CERS6: variants seen among roughly 807,000 people sequenced by gnomAD.
The protein encoded by CERS6 is ceramide synthase 6.
A neutral mutation model predicts 56.8 loss-of-function variants in CERS6; 26 were observed. The ratio of observed to expected loss-of-function variants is 0.46; its 90% CI spans 0.34 to 0.63. The LOEUF is 0.63. CERS6 is among the 30% of genes least tolerant of loss of function. The pLI, the probability that CERS6 is intolerant of heterozygous loss-of-function variation, is 0.01. For missense variants in CERS6, 415 were observed against 467.5 expected (o/e 0.89, Z 1.04); for synonymous variants, 164 against 173.3 (o/e 0.95, Z 0.42).
chr2:168,538,439 G>A (rs1313038197), intron 1 of CERS6, among the ~76,000 whole-genome samples: 1 of 152,140 alleles, frequency 6.6e-6, no homozygotes, highest in Non-Finnish European at 1.5e-5. Context: ...CTTCCAGAAT[G>A]TCCTTCCCCC....
At chr2:168,549,630 T>A (rs1476451551) in intron 2 of CERS6, among the ~76,000 whole-genome samples, 2 of 152,178 alleles carry the variant, frequency 1.3e-5, no homozygotes, top group African/African-American at 2.4e-5. Flanking sequence ...CAAGACTCTG[T>A]CTCAAAACAA....
chr2:168,721,808 C>T (rs941650975), intron 8 of CERS6, among the ~76,000 whole-genome samples: 1 of 151,812 alleles, frequency 6.6e-6, no homozygotes, highest in Non-Finnish European at 1.5e-5. Flanking sequence ...TTTGTAGAGA[C>T]GGGGTCTCAC....
At chr2:168,646,719 G>T (rs564848496) in intron 4 of CERS6, among the ~76,000 whole-genome samples, 1 of 152,238 alleles carries the variant, frequency 6.6e-6, no homozygotes, top group South Asian at 2.1e-4. Flanking sequence ...TTTGTATATG[G>T]TGTAAGGAAG....
chr2:168,473,928 C>T (rs954597923), intron 1 of CERS6, among the ~76,000 whole-genome samples: 12 of 152,020 alleles, frequency 7.9e-5, no homozygotes, highest in Non-Finnish European at 8.8e-5. Flanking sequence ...TGTGGTGGCA[C>T]GCACCTGTAG....
At chr2:168,539,931 C>T (rs954373724) in intron 1 of CERS6, among the ~76,000 whole-genome samples, 7 of 152,170 alleles carry the variant, frequency 4.6e-5, no homozygotes, top group Non-Finnish European at 7.3e-5. Flanking sequence ...ATTTCAAAGA[C>T]CTTGCAAGCA....
chr2:168,745,272 T>A (rs1047000165), intron 8 of CERS6, among the ~76,000 whole-genome samples: 1 of 151,948 alleles, frequency 6.6e-6, no homozygotes, highest in Admixed American at 6.6e-5. Context: ...GACGGAGTCT[T>A]GCTCTGTCAC....
At chr2:168,574,167 G>A (rs1355533262) in intron 3 of CERS6, among the ~76,000 whole-genome samples, 1 of 152,098 alleles carries the variant, frequency 6.6e-6, no homozygotes, top group Non-Finnish European at 1.5e-5. Context: ...ACTGATTCTA[G>A]TTCTGAAATA....
chr2:168,568,357 G>T (rs1166224129), intron 3 of CERS6, among the ~76,000 whole-genome samples: 1 of 152,198 alleles, frequency 6.6e-6, no homozygotes, highest in Non-Finnish European at 1.5e-5. Flanking sequence ...AACCCAGTCT[G>T]TTATTTTTGA....
Position 168,737,564 on chromosome 2 carries a change from A to G in CERS6, c.845+19586A>G, listed in dbSNP as rs1683755896. 2.0e-5 allele frequency among the ~76,000 whole-genome samples: 3 copies of G among 152,224 alleles called. No homozygotes were observed. The South Asian group carries it at 6.2e-4, about 32-fold the overall frequency. ...CACATTTGAAATCCTGCATGAAATT[A>G]CCCATGCTTATGACTCCAGGCAGGG... On this transcript the variant is annotated intron_variant, in intron 8 of 9. Transcript: ENST00000305747.
intron 4 of CERS6, among the ~76,000 whole-genome samples, chr2:168,653,525 A>G (rs1685395646): frequency 6.6e-6 from 1 of 152,220 alleles, no homozygotes; most frequent in Non-Finnish European, 1.5e-5. Flanking sequence ...TGACCTGAGG[A>G]CATTTTCTGG....
intron 1 of CERS6, among the ~76,000 whole-genome samples, chr2:168,483,254 TATA>T (rs1694210172): frequency 6.6e-6 from 1 of 152,028 alleles, no homozygotes; most frequent in Non-Finnish European, 1.5e-5. Flanking sequence ...CTCATGGAGG[TATA>T]ATAACTCGTC....
intron 3 of CERS6, among the ~76,000 whole-genome samples, chr2:168,595,341 T>A: frequency 6.6e-6 from 1 of 152,276 alleles, no homozygotes; most frequent in East Asian, 1.9e-4. Flanking sequence ...GTATTATTTA[T>A]TGTTTAGTCT....
intron 1 of CERS6, among the ~76,000 whole-genome samples, chr2:168,476,655 A>T (rs1185126395): frequency 3.9e-5 from 6 of 152,092 alleles, no homozygotes; most frequent in Non-Finnish European, 5.9e-5. Flanking sequence ...CGTAGTAGGG[A>T]CTGCTTTTGT....
intron 1 of CERS6, among the ~76,000 whole-genome samples, chr2:168,458,664 T>TA (rs1693723067): frequency 6.6e-6 from 1 of 152,218 alleles, no homozygotes; most frequent in Non-Finnish European, 1.5e-5. Flanking sequence ...AGAAGAGATT[T>TA]AATGGCCTGT....
At chr2:168,480,598 A>T (rs1222532582) in intron 1 of CERS6, among the ~76,000 whole-genome samples, 1 of 152,164 alleles carries the variant, frequency 6.6e-6, no homozygotes, top group Admixed American at 6.5e-5. Flanking sequence ...TTACCGTTTA[A>T]GGTTATGTTT....
rs1353198351 is a variant in CERS6, at chr2:168,737,013, G to A, written c.845+19035G>A. On this transcript the variant is annotated intron_variant, in intron 8 of 9. Transcript: ENST00000305747. ...AGAATTTGTGCTAAGGGGATCCGTTGGTGGCTGTACCATCTCTTTCTCTCC... is the reference window on the plus strand; with the variant it reads ...AGAATTTGTGCTAAGGGGATCCGTTAGTGGCTGTACCATCTCTTTCTCTCC... Among the ~76,000 whole-genome samples the A allele has an allele frequency of 5.3e-5, 8 of 152,318 alleles. 1 individual carries two copies. Among genetic ancestry groups the A allele is most frequent in the Admixed American group, 5.2e-4 (8 of 15,304 alleles).
At chr2:168,540,561 G>T (rs1246831010) in intron 1 of CERS6, among the ~76,000 whole-genome samples, 1 of 152,136 alleles carries the variant, frequency 6.6e-6, no homozygotes, top group South Asian at 2.1e-4. Flanking sequence ...CGTGTAGTAG[G>T]CCATACCATC....
intron 1 of CERS6, among the ~76,000 whole-genome samples, chr2:168,532,945 T>C (rs1695193409): frequency 2.0e-5 from 3 of 152,194 alleles, no homozygotes; most frequent in South Asian, 2.1e-4. Flanking sequence ...TAAATATTCA[T>C]TGAAAGCATT....
chr2:168,507,297 C>A (rs1694695919), intron 1 of CERS6, among the ~76,000 whole-genome samples: 1 of 152,132 alleles, frequency 6.6e-6, no homozygotes, highest in Non-Finnish European at 1.5e-5. Context: ...TGTCCAGGAT[C>A]CTGCCCAGGA....
Sources: allele counts gnomAD v4.1 joint callset (sites outside exome capture counted in the v4.1 genomes callset), GRCh38; gene constraint gnomAD v4.1.1; transcripts MANE v1.5; gene names NCBI Gene and HGNC (gene_info 2026-07-23, HGNC 2026-07-21).